The following NDUFS4 variants were observed in gnomAD, a reference collection of about 807,000 sequenced individuals.
NDUFS4 encodes the protein NADH dehydrogenase [ubiquinone] iron-sulfur protein 4, mitochondrial.
In NDUFS4, 28 loss-of-function variants were observed where a neutral mutation model predicts 24.3. The ratio of observed to expected loss-of-function variants is 1.15; its 90% confidence interval spans 0.85 to 1.58. The LOEUF is 1.58. NDUFS4 is among the 40% of genes most tolerant of loss of function. NDUFS4 has a pLI of 0.00. For missense variants in NDUFS4, 223 were observed against 207.9 expected, an observed-to-expected ratio of 1.07 and a Z score of -0.45; for synonymous variants, 93 against 69.7, an observed-to-expected ratio of 1.34 and a Z score of -1.67.
chr5:53,675,784 T>C (rs1740449061), intron 4 of NDUFS4, among the ~76,000 whole-genome samples: 1 of 152,202 alleles, frequency 6.6e-6, no homozygotes, highest in Non-Finnish European at 1.5e-5. Context: ...GATCATCAGA[T>C]GGTCAGATTG....
chr5:53,658,334 T>C (rs1208885017), intron 3 of NDUFS4, among the ~76,000 whole-genome samples: 1 of 152,178 alleles, frequency 6.6e-6, no homozygotes, highest in Non-Finnish European at 1.5e-5. Flanking sequence ...TTTGCAATTA[T>C]GAATTTTATT....
At chr5:53,609,090 G>A (rs891103442) in intron 2 of NDUFS4, among the ~76,000 whole-genome samples, 3 of 152,294 alleles carry the variant, frequency 2.0e-5, no homozygotes, top group Middle Eastern at 3.4e-3. Context: ...TTTCAAACGC[G>A]TGCTAATGTT....
intron 2 of NDUFS4, among the ~76,000 whole-genome samples, chr5:53,615,966 A>T (rs571191616): frequency 6.6e-6 from 1 of 152,190 alleles, no homozygotes; most frequent in African/African-American, 2.4e-5. Context: ...TTTTAAACCT[A>T]ATTGGGTAGT....
At chr5:53,593,626 T>G (rs1750043657) in intron 1 of NDUFS4, among the ~76,000 whole-genome samples, 1 of 151,254 alleles carries the variant, frequency 6.6e-6, no homozygotes, top group African/African-American at 2.4e-5. Context: ...TTTCCTGTGG[T>G]GGAAGCTTAG....
intron 1 of NDUFS4, among the ~76,000 whole-genome samples, chr5:53,594,365 C>T (rs972596599): frequency 6.6e-6 from 1 of 152,050 alleles, no homozygotes; most frequent in African/African-American, 2.4e-5. Context: ...CAAGATTTGA[C>T]TAGTGTTAAC....
At chr5:53,636,033 G>A (rs1751541895) in intron 2 of NDUFS4, among the ~76,000 whole-genome samples, 1 of 152,146 alleles carries the variant, frequency 6.6e-6, no homozygotes, top group East Asian at 1.9e-4. Context: ...AGAAAAAAAT[G>A]TAACAAATGT....
At chr5:53,679,694 T>G (rs1026746684) in intron 4 of NDUFS4, among the ~76,000 whole-genome samples, 2 of 152,158 alleles carry the variant, frequency 1.3e-5, no homozygotes, top group African/African-American at 4.8e-5. Context: ...GGTTTGTGTT[T>G]GTGTGTATAT....
chr5:53,589,055 T>C (rs969168249), intron 1 of NDUFS4, among the ~76,000 whole-genome samples: 1 of 152,128 alleles, frequency 6.6e-6, no homozygotes, highest in African/African-American at 2.4e-5. Flanking sequence ...AAGCAGATCA[T>C]CTAATGGCTT....
chr5:53,640,254 A>C (rs1751673906), intron 2 of NDUFS4, among the ~76,000 whole-genome samples: 1 of 152,052 alleles, frequency 6.6e-6, no homozygotes, highest in African/African-American at 2.4e-5. Flanking sequence ...GGAACATATC[A>C]AGATTCAAAG....
At chr5:53,666,045 G>A (rs1334195802) in intron 4 of NDUFS4, among the ~76,000 whole-genome samples, 1 of 151,998 alleles carries the variant, frequency 6.6e-6, no homozygotes, top group Non-Finnish European at 1.5e-5. Flanking sequence ...ATACTTTCTT[G>A]GCAAGTTCCA....
intron 1 of NDUFS4, among the ~76,000 whole-genome samples, chr5:53,563,433 C>A (rs1178169419): frequency 1.3e-5 from 2 of 151,598 alleles, no homozygotes. Flanking sequence ...GTGTTGGTCT[C>A]AGTTTCCATG....
chr5:53,655,443 T>C (rs1335711412), intron 3 of NDUFS4, among the ~76,000 whole-genome samples: 1 of 151,982 alleles, frequency 6.6e-6, no homozygotes, highest in Non-Finnish European at 1.5e-5. Flanking sequence ...TGCTTAACTT[T>C]GTGAGATTCA....
intron 1 of NDUFS4, among the ~76,000 whole-genome samples, chr5:53,596,329 A>G (rs1478985822): frequency 1.3e-5 from 2 of 152,030 alleles, no homozygotes; most frequent in South Asian, 2.1e-4. Context: ...GCTACTCAGG[A>G]GGCTGAGGTG....
Position 53,609,560 on chromosome 5 carries a change from A to T in NDUFS4, c.177+6030A>T, listed in dbSNP as rs74421801. Among the ~76,000 whole-genome samples, 4,384 of 152,216 alleles carry T rather than the reference A, an allele frequency of 0.029. 463 individuals carry two copies. The East Asian group carries it at 0.38, about 13-fold the overall frequency. ...CCTAGGGTTTTCAGAATGGTCAGTG[A>T]GCACCGGAATTGCATTAGCCTCTAA... On this transcript the variant is annotated intron_variant, in intron 2 of 4. Transcript: ENST00000296684.
In NDUFS4 at chr5:53,683,190, G is replaced by A. The variant is rs764130316; in HGVS notation, c.497G>A (p.Trp166Ter). The stretch of plus-strand genomic sequence containing the variant: ...AAGTCTTATGGTGCAAACTTTTCTT[G>A]GAACAAAAGAACAAGAGTATCCACA... ...KSKSYGANFS[W>*]NKRTRVSTK The change falls in exon 5 of 5, where the codon TGG becomes TAG. Residue 166 changes from tryptophan (W) to a stop codon, truncating the protein, a stop_gained. Transcript: ENST00000296684. LOFTEE classifies it high-confidence loss of function. 4 of 1,611,548 alleles carry A rather than the reference G, an allele frequency of 2.5e-6. No individual in the cohort carries two copies. In the Admixed American group the frequency reaches 6.7e-5, roughly 27 times the overall value.
intron 1 of NDUFS4, among the ~76,000 whole-genome samples, chr5:53,574,745 T>C (rs1053035337): frequency 3.3e-5 from 5 of 152,224 alleles, no homozygotes; most frequent in African/African-American, 1.2e-4. Flanking sequence ...TTAATTTCCA[T>C]GTATTTGGAT....
At chr5:53,668,201 T>C (rs1752571113) in intron 4 of NDUFS4, among the ~76,000 whole-genome samples, 1 of 152,214 alleles carries the variant, frequency 6.6e-6, no homozygotes, top group South Asian at 2.1e-4. Flanking sequence ...GTTATTTGAT[T>C]TGTATATCAA....
chr5:53,620,851 A>G (rs1307154577), intron 2 of NDUFS4, among the ~76,000 whole-genome samples: 1 of 152,054 alleles, frequency 6.6e-6, no homozygotes, highest in Non-Finnish European at 1.5e-5. Context: ...AGACTTTTTT[A>G]TCGCCTAGTG....
In NDUFS4 at chr5:53,646,302, G is replaced by T; in HGVS notation, c.247G>T (p.Ala83Ser). The T allele has an allele frequency of 6.2e-7, 1 of 1,613,452 alleles. No homozygotes were observed. Residue 83 changes from alanine (A) to serine (S), a missense_variant, in exon 3 of 5, where the codon GCT becomes TCT. Ala to Ser is a moderately conservative substitution (Grantham distance 99). Coordinates refer to ENST00000296684, the MANE Select transcript of NDUFS4 (RefSeq NM_002495.4). ...TAGAAAAGTCAGGATCTTTGTTCCT[G>T]CTCGCAATAACATGCAGTCTGGAGT... ...KTRKVRIFVP[A>S]RNNMQSGVNN...
Sources: gnomAD v4.1 joint callset for allele counts (sites outside exome capture counted in the v4.1 genomes callset) on GRCh38, gnomAD v4.1.1 for gene constraint, MANE v1.5 for transcripts, NCBI Gene and HGNC (gene_info 2026-07-23, HGNC 2026-07-21) for gene names.